CCDC88A: variants seen among roughly 807,000 people sequenced by gnomAD.
The protein encoded by CCDC88A is coiled-coil and HOOK domain protein 88A.
Under a neutral mutation model 234.3 loss-of-function variants are expected in CCDC88A, and 54 were observed. That is an observed-to-expected ratio of 0.23 (90% CI 0.19 to 0.29). CCDC88A has a LOEUF of 0.29. Ranked by LOEUF, CCDC88A falls within the 10% of genes least tolerant of loss-of-function variation. The pLI, the probability that CCDC88A is intolerant of heterozygous loss-of-function variation, is 1.00. For synonymous variants in CCDC88A, 753 were observed against 737.8 expected (o/e 1.02, Z -0.33); for missense variants, 1,832 against 2,123.4 (o/e 0.86, Z 2.70).
At chr2:55,406,450 T>G (rs1483300084) in intron 2 of CCDC88A, among the ~76,000 whole-genome samples, 1 of 152,138 alleles carries the variant, frequency 6.6e-6, no homozygotes, top group Non-Finnish European at 1.5e-5. Context: ...TTGTAATAGT[T>G]CAGGTCTTAA....
At chr2:55,327,299 T>C (rs1245107762) in intron 17 of CCDC88A, among the ~76,000 whole-genome samples, 1 of 152,178 alleles carries the variant, frequency 6.6e-6, no homozygotes, top group Non-Finnish European at 1.5e-5. Flanking sequence ...TAAAGACCAA[T>C]AGACAGCCCT....
rs1254879834 is a variant in CCDC88A, at chr2:55,348,166, C to T, written c.882+1352G>A. The stretch of plus-strand genomic sequence containing the variant: ...TTTTTGTAGCGATGAGGTTTTGTCA[C>T]GTTGCCCAGGCAGGTCTTTAACTCC... On this transcript the variant is annotated intron_variant, in intron 9 of 32. Transcript: ENST00000436346. Among the ~76,000 whole-genome samples the T allele has an allele frequency of 5.3e-5, 8 of 151,300 alleles. No homozygotes were observed. In the South Asian group the frequency reaches 8.4e-4, roughly 16 times the overall value.
intron 8 of CCDC88A, among the ~76,000 whole-genome samples, chr2:55,350,975 G>C (rs1459321915): frequency 6.6e-6 from 1 of 152,176 alleles, no homozygotes; most frequent in African/African-American, 2.4e-5. Context: ...TTTAATGGTA[G>C]AAAAATATTC....
chr2:55,326,287 G>C (rs774856732), intron 17 of CCDC88A, among the ~76,000 whole-genome samples: 15 of 151,624 alleles, frequency 9.9e-5, no homozygotes, highest in Non-Finnish European at 1.9e-4. Flanking sequence ...CAAAGTGCTG[G>C]GATTACAGAG....
intron 2 of CCDC88A, chr2:55,404,055 T>G (rs894162440): frequency 2.6e-5 from 4 of 152,222 alleles, no homozygotes; most frequent in African/African-American, 9.6e-5. Context: ...ACTATGGCTT[T>G]CACTCCCATA....
rs908622923 is a variant in CCDC88A, at chr2:55,419,655, C to G, written c.-576G>C. ...ACAGGCAGGGCTCGCCCCTTCCCCC[C>G]GAGCAGACACCATTCCTCCGCCGCC... On this transcript the variant is annotated 5_prime_UTR_variant, in exon 1 of 33. Transcript: ENST00000436346. 6.5e-6 allele frequency: 1 copy of G among 152,694 alleles called. No homozygotes were observed. The highest frequency in any genetic ancestry group is 1.5e-5 in the Non-Finnish European group (1 of 68,572). The allele number at this position is 152,694 out of a possible 1,614,324, so 9.5% of individuals were successfully genotyped here. A position where few individuals can be genotyped will look rare whatever the true frequency, so the allele number is the denominator to read the frequency against.
chr2:55,391,041 A>G (rs1349924983), intron 2 of CCDC88A, among the ~76,000 whole-genome samples: 1 of 152,232 alleles, frequency 6.6e-6, no homozygotes, highest in Non-Finnish European at 1.5e-5. Flanking sequence ...GTATAACCTA[A>G]AACTCCACAA....
At chr2:55,319,705 G>T (rs533650439) in intron 18 of CCDC88A, among the ~76,000 whole-genome samples, 49 of 152,030 alleles carry the variant, frequency 3.2e-4, no homozygotes, top group Non-Finnish European at 5.7e-4. Flanking sequence ...CAATTTTATA[G>T]CTAAACAAAT....
Position 55,334,670 on chromosome 2 carries a change from G to A in CCDC88A, c.2151C>T (p.Ser717=). 2 of 1,613,664 alleles carry A rather than the reference G, an allele frequency of 1.2e-6. No homozygotes were observed. The highest frequency in any genetic ancestry group is 1.7e-6 in the Non-Finnish European group (2 of 1,179,824). ...RRNVESLKCA[S]MKMAQLQLEN... Reference sequence around the variant, plus strand: ...CTAGCTGTAGCTGAGCCATTTTCATGCTTGCACACTTCAAAGATTCTACAT... The same window carrying A: ...CTAGCTGTAGCTGAGCCATTTTCATACTTGCACACTTCAAAGATTCTACAT... Residue 717 remains serine, a synonymous_variant, in exon 15 of 33, where the codon AGC becomes AGT. Coordinates refer to ENST00000436346, the MANE Select transcript of CCDC88A (RefSeq NM_001365480.1). This position sits in a 1 kb window ranked among gnomAD's most constrained non-coding sequence, Gnocchi z 6.1.
chr2:55,322,950 A>G, intron 17 of CCDC88A: 1 of 275,236 alleles, frequency 3.6e-6, no homozygotes, highest in Non-Finnish European at 6.7e-6. Context: ...CCCTGGATTA[A>G]CAGTGGATAT....
In CCDC88A at chr2:55,355,677, G is replaced by A; in HGVS notation, c.702C>T (p.Pro234=). The A allele has an allele frequency of 6.2e-7, 1 of 1,613,954 alleles. No individual in the cohort carries two copies. Among genetic ancestry groups the A allele is most frequent in the South Asian group, 1.1e-5 (1 of 91,074 alleles). Reference sequence around the variant, plus strand: ...TTCGCTTCATGCCTGGAGAACCACAGGGTGACTGTGCAGATGAAGAGGCAT... The same window carrying A: ...TTCGCTTCATGCCTGGAGAACCACAAGGTGACTGTGCAGATGAAGAGGCAT... ...LPHASSSAQS[P]CGSPGMKRTE... is the part of the protein sequence containing the mutation. The change falls in exon 8 of 33, where the codon CCC becomes CCT. Residue 234 remains proline (P), a synonymous_variant. Transcript: ENST00000436346.
chr2:55,317,399 T>G lies in CCDC88A; in HGVS notation c.3603-50A>C. 7.4e-7 allele frequency: 1 copy of G among 1,357,252 alleles called. No homozygotes were observed. The highest frequency in any genetic ancestry group is 9.8e-7 in the Non-Finnish European group (1 of 1,025,232). The allele number at this position is 1,357,252 out of a possible 1,614,324, so 84.1% of individuals were successfully genotyped here. ...TTATAATATTTACAAAAAAGAAATT[T>G]TAGAAATGAAGGAAATGAGTAATGA... On this transcript the variant is annotated intron_variant, in intron 20 of 32. Transcript: ENST00000436346. The surrounding 1 kb of genome is among the most constrained non-coding windows in gnomAD (Gnocchi z 4.2).
intron 15 of CCDC88A, among the ~76,000 whole-genome samples, chr2:55,333,297 T>C (rs189954051): frequency 6.6e-6 from 1 of 152,346 alleles, no homozygotes; most frequent in East Asian, 1.9e-4. Context: ...CATATTATAA[T>C]GCTTAGAGAT....
intron 3 of CCDC88A, among the ~76,000 whole-genome samples, chr2:55,378,849 G>A (rs113671413): frequency 0.061 from 9,195 of 151,468 alleles, 900 homozygotes; most frequent in African/African-American, 0.2. Flanking sequence ...AGGTTTCAGC[G>A]ATCCTCCTGC....
chr2:55,374,752 T>G (rs1673362262), intron 4 of CCDC88A, 62 bp downstream of exon 4: 1 of 1,000,654 alleles, frequency 1.0e-6, no homozygotes. Flanking sequence ...TAGTAAAAAA[T>G]AAACATCATA....
intron 17 of CCDC88A, chr2:55,322,978 C>A: frequency 4.6e-6 from 1 of 215,450 alleles, no homozygotes. Context: ...TTGCTAATGA[C>A]TAACAATTCT....
chr2:55,339,377 AT>A, intron 13 of CCDC88A, 86 bp downstream of exon 13: 2 of 1,160,182 alleles, frequency 1.7e-6, no homozygotes, highest in Non-Finnish European at 2.4e-6. Flanking sequence ...TTGAGCGTGC[AT>A]TTAAAAAGTG....
chr2:55,362,620 T>A (rs1424963225), intron 6 of CCDC88A, among the ~76,000 whole-genome samples, 172 bp from the exon 7 acceptor site: 5 of 151,974 alleles, frequency 3.3e-5, no homozygotes, highest in African/African-American at 1.2e-4. Flanking sequence ...CAAATAAAAA[T>A]TATTTTAACT....
chr2:55,369,578 C>T (rs998653196), intron 5 of CCDC88A, among the ~76,000 whole-genome samples: 3 of 151,642 alleles, frequency 2.0e-5, no homozygotes, highest in South Asian at 2.1e-4. Context: ...CAGCCTCCTG[C>T]GTAGCTGGGA....
Sources: gnomAD v4.1 joint callset for allele counts (sites outside exome capture counted in the v4.1 genomes callset) on GRCh38, gnomAD v4.1.1 for gene constraint, Gnocchi (gnomAD v3.1) non-coding constraint, MANE v1.5 for transcripts, NCBI Gene and HGNC (gene_info 2026-07-23, HGNC 2026-07-21) for gene names.